The following TCF7L2 variants were observed in gnomAD, a reference collection of about 807,000 sequenced individuals.
The protein encoded by TCF7L2 is transcription factor 7 like 2.
TCF7L2 carries 23 observed loss-of-function variants against 77.9 expected under a neutral mutation model. The observed-to-expected ratio is 0.30, with a 90% CI of 0.21 to 0.42. The LOEUF (loss-of-function observed/expected upper bound fraction) is 0.42, where lower values mean the gene tolerates loss of function less well. Ranked by LOEUF, TCF7L2 falls within the 10% of genes least tolerant of loss-of-function variation. TCF7L2 has a pLI of 1.00. For synonymous variants in TCF7L2, 413 were observed against 340.2 expected, an observed-to-expected ratio of 1.21 and a Z score of -2.36; for missense variants, 654 against 793.1, an observed-to-expected ratio of 0.82 and a Z score of 2.11.
intron 5 of TCF7L2, among the ~76,000 whole-genome samples, chr10:113,109,316 A>G (rs2062820776): frequency 6.6e-6 from 1 of 152,182 alleles, no homozygotes; most frequent in African/African-American, 2.4e-5. Context: ...TCTCAGTTTT[A>G]CCATCTATAA....
At position 113,167,489 on chromosome 10, in the gene TCF7L2, T is replaced by C. The variant is rs143071937; in HGVS notation, c.*1517T>C. On this transcript the variant is annotated 3_prime_UTR_variant, in exon 14 of 14. Coordinates refer to ENST00000627217, the MANE Select transcript of TCF7L2 (RefSeq NM_001146274.2). ...CTCTGGTTTATTAAAATGCTAACTA[T>C]AACATTTTTTGTGAATACTTTGAAT... The C allele has an allele frequency of 2.0e-4, 45 of 220,896 alleles. No homozygotes were observed. The highest frequency in any genetic ancestry group is 7.5e-4 in the Admixed American group (13 of 17,370). 13.7% of individuals were successfully genotyped at this position (220,896 alleles called of 1,614,324 possible). A position where few individuals can be genotyped will look rare whatever the true frequency, so the allele number is the denominator to read the frequency against.
chr10:113,064,262 G>A (rs1311484915), intron 5 of TCF7L2, among the ~76,000 whole-genome samples: 2 of 152,194 alleles, frequency 1.3e-5, no homozygotes, highest in African/African-American at 4.8e-5. Flanking sequence ...GGAGAGGGAG[G>A]GGCCAGGCCC....
chr10:113,157,299 G>A (rs1473648848), intron 11 of TCF7L2, among the ~76,000 whole-genome samples: 1 of 152,132 alleles, frequency 6.6e-6, no homozygotes, highest in Non-Finnish European at 1.5e-5. Flanking sequence ...TGCATTTTTA[G>A]TAGAGACGGG....
intron 5 of TCF7L2, among the ~76,000 whole-genome samples, chr10:113,134,517 C>T (rs932172948): frequency 1.3e-5 from 2 of 152,164 alleles, no homozygotes; most frequent in Non-Finnish European, 2.9e-5. Flanking sequence ...CCCTCACAGG[C>T]TGGAAAAACA....
chr10:113,069,344 T>C (rs1214669452), intron 5 of TCF7L2, among the ~76,000 whole-genome samples: 2 of 151,894 alleles, frequency 1.3e-5, no homozygotes, highest in Non-Finnish European at 2.9e-5. Context: ...TTCTCCTGCC[T>C]CAGCCTCCTG....
intron 12 of TCF7L2, among the ~76,000 whole-genome samples, chr10:113,158,341 G>A (rs1480756912): frequency 6.6e-6 from 1 of 152,134 alleles, no homozygotes; most frequent in African/African-American, 2.4e-5. Flanking sequence ...TGGAGAGCAA[G>A]CGGTAGGCAT....
intron 5 of TCF7L2, among the ~76,000 whole-genome samples, chr10:113,111,335 C>T (rs2063105564): frequency 6.6e-6 from 1 of 152,100 alleles, no homozygotes; most frequent in South Asian, 2.1e-4. Flanking sequence ...TCTATCTATC[C>T]CTAGTGCCTA....
chr10:113,018,851 A>G (rs2047793615), intron 4 of TCF7L2, among the ~76,000 whole-genome samples: 2 of 152,042 alleles, frequency 1.3e-5, no homozygotes, highest in Admixed American at 6.5e-5. Context: ...TGTCCAGTGT[A>G]CATTTCCTGG....
chr10:113,025,288 A>G (rs1478026314), intron 4 of TCF7L2, among the ~76,000 whole-genome samples: 23 of 136,128 alleles, frequency 1.7e-4, no homozygotes, highest in African/African-American at 6.0e-4. Flanking sequence ...CCCAGGCTGG[A>G]GTGCAAGTGG....
At chr10:113,003,096 T>C (rs1222431236) in intron 4 of TCF7L2, among the ~76,000 whole-genome samples, 1 of 152,238 alleles carries the variant, frequency 6.6e-6, no homozygotes, top group Non-Finnish European at 1.5e-5. Context: ...TGATTATGTA[T>C]GGGCAAAGCA....
chr10:113,118,520 G>GGGT, intron 5 of TCF7L2, among the ~76,000 whole-genome samples: 1 of 141,524 alleles, frequency 7.1e-6, no homozygotes, highest in African/African-American at 2.6e-5. Context: ...TCATCTGGGG[G>GGGT]GTGTGTGTGT....
At position 112,986,603 on chromosome 10, in the gene TCF7L2, C is replaced by T. The variant is rs141483292; in HGVS notation, c.450+21979C>T. On this transcript the variant is annotated intron_variant, in intron 4 of 13. Coordinates refer to ENST00000627217, the MANE Select transcript of TCF7L2 (RefSeq NM_001146274.2). ...GCTCTTTTGAAAGTAAAGCTATAAT[C>T]GGTCTGCACACTTATAAGTCACTGT... Among the ~76,000 whole-genome samples the T allele has an allele frequency of 1.9e-3, 284 of 152,274 alleles. 1 individual carries two copies. In the Middle Eastern group the frequency reaches 0.031, roughly 16 times the overall value.
intron 3 of TCF7L2, among the ~76,000 whole-genome samples, chr10:112,961,254 A>ACCGGGGGGCCCCCC: frequency 1.7e-5 from 1 of 60,502 alleles, no homozygotes; most frequent in Non-Finnish European, 2.7e-5. Flanking sequence ...ACCTCAGGTG[A>ACCGGGGGGCCCCCC]CCCCCCCCCC....
At chr10:113,092,862 C>T (rs182141948) in intron 5 of TCF7L2, among the ~76,000 whole-genome samples, 15 of 152,166 alleles carry the variant, frequency 9.9e-5, no homozygotes, top group African/African-American at 3.4e-4. Flanking sequence ...AAGACTCCCT[C>T]GGCTGGGGGG....
At position 113,029,043 on chromosome 10, in the gene TCF7L2, C is replaced by T. The variant is rs2049725673; in HGVS notation, c.451-10982C>T. Among the ~76,000 whole-genome samples the T allele has an allele frequency of 2.0e-5, 3 of 152,162 alleles. No homozygotes were observed. In the South Asian group the frequency reaches 6.2e-4, roughly 32 times the overall value. ...TGGACCTGATATAATTATTTGTCTT[C>T]ATTTACATGGTTTATCCTTCAAGGT... On this transcript the variant is annotated intron_variant, in intron 4 of 13. Transcript: ENST00000627217.
Position 113,004,246 on chromosome 10 carries a change from A to G in TCF7L2, c.451-35779A>G, listed in dbSNP as rs141834119. 2.5e-3 allele frequency among the ~76,000 whole-genome samples: 378 copies of G among 152,268 alleles called. 2 individuals are homozygous for G. Among genetic ancestry groups the G allele is most frequent in the African/African-American group, 8.8e-3 (364 of 41,552 alleles). ...GTGAGCCACTGTGGAGAGAAAGCCC[A>G]AAGAGTCTTGGCAGGGCAGGGAGTA... is the stretch of plus-strand genomic sequence containing the variant. On this transcript the variant is annotated intron_variant, in intron 4 of 13. Coordinates refer to ENST00000627217, the MANE Select transcript of TCF7L2 (RefSeq NM_001146274.2).
chr10:112,998,835 G>GTAA (rs1433846871), intron 4 of TCF7L2, among the ~76,000 whole-genome samples: 1 of 152,170 alleles, frequency 6.6e-6, no homozygotes, highest in East Asian at 1.9e-4. Flanking sequence ...CTAATAATTT[G>GTAA]TAATGCTTTT....
intron 3 of TCF7L2, 47 bp from the exon 4 acceptor site, chr10:112,964,509 T>C (rs781638134): frequency 5.1e-6 from 8 of 1,560,340 alleles, no homozygotes; most frequent in Non-Finnish European, 7.1e-6. Flanking sequence ...TGTTTTCTTG[T>C]AGTTTGTGAC....
At chr10:113,137,402 C>T (rs1377440941) in intron 5 of TCF7L2, among the ~76,000 whole-genome samples, 1 of 152,210 alleles carries the variant, frequency 6.6e-6, no homozygotes, top group Non-Finnish European at 1.5e-5. Context: ...TGCAAGTTCT[C>T]ATTCAGTTTT....
Sources: gnomAD v4.1 joint callset for allele counts (sites outside exome capture counted in the v4.1 genomes callset) on GRCh38, gnomAD v4.1.1 for gene constraint, MANE v1.5 for transcripts, NCBI Gene and HGNC (gene_info 2026-07-23, HGNC 2026-07-21) for gene names.